Variants in YTHDC1 observed in about 807,000 individuals in gnomAD.
The protein encoded by YTHDC1 is YTH N6-methyladenosine RNA binding protein C1, also known as YTH domain-containing protein 1.
YTHDC1 carries 12 observed loss-of-function variants against 107.0 expected under a neutral mutation model. The ratio of observed to expected loss-of-function variants is 0.11; its 90% CI spans 0.07 to 0.18. The LOEUF (loss-of-function observed/expected upper bound fraction) is 0.18. YTHDC1 is among the 10% of genes least tolerant of loss of function. The pLI, the probability that YTHDC1 is intolerant of heterozygous loss-of-function variation, is 1.00. For synonymous variants in YTHDC1, 280 were observed against 289.5 expected (o/e 0.97, Z 0.33); for missense variants, 635 against 898.8 (o/e 0.71, Z 3.75).
At chr4:68,333,154 A>C (rs1361766392) in intron 5 of YTHDC1, among the ~76,000 whole-genome samples, 154 bp downstream of exon 5, 1 of 152,186 alleles carries the variant, frequency 6.6e-6, no homozygotes, top group Non-Finnish European at 1.5e-5. Flanking sequence ...AATAATAAGA[A>C]AAAGCTTAGT....
intron 2 of YTHDC1, 104 bp from the exon 3 acceptor site, chr4:68,338,004 C>T: frequency 6.8e-7 from 1 of 1,474,226 alleles, no homozygotes; most frequent in Non-Finnish European, 8.9e-7. Flanking sequence ...GGGGATAGGC[C>T]TCATTTCTTT....
At chr4:68,323,992 A>C in intron 10 of YTHDC1, 147 bp downstream of exon 10, 1 of 648,382 alleles carries the variant, frequency 1.5e-6, no homozygotes, top group Non-Finnish European at 2.6e-6. Flanking sequence ...TCTCAATCAC[A>C]GTTATTATAA....
intron 9 of YTHDC1, among the ~76,000 whole-genome samples, chr4:68,327,765 G>C (rs570146190): frequency 1.3e-5 from 2 of 152,150 alleles, no homozygotes; most frequent in African/African-American, 4.8e-5. Flanking sequence ...TCACTATATA[G>C]AGAGAATTTA....
Position 68,310,534 on chromosome 4 carries a change from GATAGAT to G in YTHDC1, c.*3559_*3564del. The G allele has an allele frequency of 6.6e-6, 1 of 152,118 alleles. No homozygotes were observed. The highest frequency in any genetic ancestry group is 2.1e-4 in the South Asian group (1 of 4,830). 9.4% of individuals were successfully genotyped at this position (152,118 alleles called of 1,614,324 possible). A position where few individuals can be genotyped will look rare whatever the true frequency, so the allele number is the denominator to read the frequency against. On this transcript the variant is annotated 3_prime_UTR_variant, in exon 17 of 17. Transcript: ENST00000344157. ...AAATTAGAGATTAAATGATCTACAT[GATAGAT>G]AACAGAATACTATGCATGGATTGCT...
chr4:68,349,604 T>G, intron 1 of YTHDC1, 122 bp downstream of exon 1: 1 of 1,327,538 alleles, frequency 7.5e-7, no homozygotes, highest in Non-Finnish European at 1.0e-6. Context: ...GGCCACCGGC[T>G]CCTCGCGAGG....
chr4:68,349,681 C>T, intron 1 of YTHDC1, 45 bp downstream of exon 1: 2 of 1,425,428 alleles, frequency 1.4e-6, no homozygotes, highest in Non-Finnish European at 1.9e-6. Flanking sequence ...ACCCCACTCC[C>T]GGGCCCCAGC....
At chr4:68,341,138 T>C (rs982790946) in intron 1 of YTHDC1, among the ~76,000 whole-genome samples, 3 of 152,142 alleles carry the variant, frequency 2.0e-5, no homozygotes, top group African/African-American at 7.2e-5. Flanking sequence ...ACTTTGCAGA[T>C]AAAGAAAGAG....
chr4:68,332,743 A>C, intron 6 of YTHDC1, 51 bp downstream of exon 6: 1 of 1,554,090 alleles, frequency 6.4e-7, no homozygotes, highest in Non-Finnish European at 8.8e-7. Context: ...AATAAGGAAA[A>C]ATAATGACTA....
intron 1 of YTHDC1, among the ~76,000 whole-genome samples, chr4:68,346,100 T>TATATATATATATATATATATATACAC (rs144743953): frequency 1.5e-5 from 2 of 134,134 alleles, no homozygotes; most frequent in African/African-American, 6.0e-5. Flanking sequence ...TATATATATA[T>TATATATATATATATATATATATACAC]ACACACACAC....
chr4:68,331,944 C>G lies in YTHDC1; in HGVS notation c.1122+159G>C, dbSNP rs555470107. Among the ~76,000 whole-genome samples the G allele has an allele frequency of 2.0e-5, 3 of 151,684 alleles. No homozygotes were observed. The East Asian group carries it at 5.8e-4, about 29-fold the overall frequency. ...AAAGAAAACTCAAATTACAAGTAGG[C>G]TGACTGACTACAACCAGATCCTAAG... is the stretch of plus-strand genomic sequence containing the variant. On this transcript the variant is annotated intron_variant, in intron 7 of 16. Transcript: ENST00000344157.
Position 68,322,689 on chromosome 4 carries a change from T to G in YTHDC1, c.1601+60A>C. 1 of 1,536,388 alleles carries G rather than the reference T, an allele frequency of 6.5e-7. No homozygotes were observed. Among genetic ancestry groups the G allele is most frequent in the Non-Finnish European group, 8.8e-7 (1 of 1,131,134 alleles). On this transcript the variant is annotated intron_variant, in intron 11 of 16. Transcript: ENST00000344157. This position sits in a 1 kb window ranked among gnomAD's most constrained non-coding sequence, Gnocchi z 4.8. ...CAGGACAAACTTTTGACGAATCATA[T>G]TCCTCCATCATGTTATTCTGATACA...
At chr4:68,330,802 AAT>A (rs1435692922) in intron 7 of YTHDC1, among the ~76,000 whole-genome samples, 1 of 150,996 alleles carries the variant, frequency 6.6e-6, no homozygotes, top group East Asian at 1.9e-4. Flanking sequence ...TTTATGTATC[AAT>A]AGTTTGACTG....
At chr4:68,349,630 A>AGCCCCCCCCCCCCCCCCCCC in intron 1 of YTHDC1, 96 bp downstream of exon 1, 1 of 153,366 alleles carries the variant, frequency 6.5e-6, no homozygotes, top group South Asian at 4.4e-5. Flanking sequence ...TAACCTCCCC[A>AGCCCCCCCCCCCCCCCCCCC]ACCCCCACCC....
intron 7 of YTHDC1, 141 bp from the exon 8 acceptor site, chr4:68,330,451 C>G: frequency 1.9e-6 from 1 of 516,260 alleles, no homozygotes. Flanking sequence ...TATTTATCAG[C>G]TGTCAGAATA....
Position 68,337,810 on chromosome 4 carries a change from A to T in YTHDC1, c.221T>A (p.Leu74Gln), listed in dbSNP as rs903785175. ...VHSRQLVSKP[L>Q]SSSVSNNKRI... ...TTTGTTATTGCTAACAGATGAGCTC[A>T]GTGGCTTAGAAACCAGTTGTCTAGA... The change falls in exon 3 of 17, where the codon CTG becomes CAG. Residue 74 changes from leucine to glutamine, a missense_variant. Physicochemically the swap from Leu to Gln is moderately radical, Grantham distance 113 (BLOSUM62 -2). This residue lies in a region of YTHDC1 where 294 missense variants were observed against 312.3 expected (regional missense o/e 0.94). Coordinates refer to ENST00000344157, the MANE Select transcript of YTHDC1 (RefSeq NM_001031732.4). The T allele has an allele frequency of 2.5e-6, 4 of 1,614,118 alleles. No homozygotes were observed. Among genetic ancestry groups the T allele is most frequent in the Non-Finnish European group, 3.4e-6 (4 of 1,180,032 alleles).
rs1268059891 is a variant in YTHDC1 at position 68,311,211 on chromosome 4, GA to G, written c.*2887del. On this transcript the variant is annotated 3_prime_UTR_variant, in exon 17 of 17. Transcript: ENST00000344157. ...GGGGAACTGACATGGACACTGGGAG[GA>G]AAATAGTCTCTCTCCTGCCACTGAA... is the stretch of plus-strand genomic sequence containing the variant. The G allele has an allele frequency of 1.3e-5, 2 of 152,022 alleles. No individual in the cohort carries two copies. Among genetic ancestry groups the G allele is most frequent in the Non-Finnish European group, 2.9e-5 (2 of 68,016 alleles). 9.4% of individuals were successfully genotyped at this position (152,022 alleles called of 1,614,324 possible). A position where few individuals can be genotyped will look rare whatever the true frequency, so the allele number is the denominator to read the frequency against.
intron 11 of YTHDC1, among the ~76,000 whole-genome samples, chr4:68,321,028 T>C (rs1244605180): frequency 6.6e-6 from 1 of 152,184 alleles, no homozygotes; most frequent in Non-Finnish European, 1.5e-5. Flanking sequence ...GGGCTGTTCT[T>C]TACTGTCTTC....
chr4:68,347,563 G>C (rs527824300), intron 1 of YTHDC1, among the ~76,000 whole-genome samples: 1 of 152,206 alleles, frequency 6.6e-6, no homozygotes, highest in South Asian at 2.1e-4. Flanking sequence ...CTATGAACAA[G>C]GGTCTTTACT....
intron 1 of YTHDC1, among the ~76,000 whole-genome samples, chr4:68,346,143 C>T (rs1200557531): frequency 2.0e-5 from 3 of 150,076 alleles, no homozygotes; most frequent in East Asian, 2.0e-4. Context: ...CGGCTGGGCA[C>T]GGTGGCTCAC....
Sources: gnomAD v4.1 joint callset for allele counts (sites outside exome capture counted in the v4.1 genomes callset) on GRCh38, gnomAD v4.1.1 for gene constraint, gnomAD v4.1.1 regional missense constraint, Gnocchi (gnomAD v3.1) non-coding constraint, MANE v1.5 for transcripts, NCBI Gene and HGNC (gene_info 2026-07-23, HGNC 2026-07-21) for gene names.